CTNNA2: variants seen among roughly 807,000 people sequenced by gnomAD.
CTNNA2 encodes catenin alpha-2.
Under a neutral mutation model 101.0 loss-of-function variants are expected in CTNNA2, and 42 were observed. That is an observed-to-expected ratio of 0.42 (90% CI 0.32 to 0.54). The LOEUF (loss-of-function observed/expected upper bound fraction) is 0.54, where lower values mean the gene tolerates loss of function less well. Ranked by LOEUF, CTNNA2 falls within the 20% of genes least tolerant of loss-of-function variation. The pLI is 0.14. For synonymous variants in CTNNA2, 450 were observed against 456.4 expected (o/e 0.99, Z 0.18); for missense variants, 871 against 1,223.1 (o/e 0.71, Z 4.29).
chr2:79,234,348 T>C (rs1232700588), intron 2 of CTNNA2, among the ~76,000 whole-genome samples: 1 of 152,176 alleles, frequency 6.6e-6, no homozygotes, highest in Non-Finnish European at 1.5e-5. Context: ...TCTTTAAGAA[T>C]GCTGTAAAGA....
At chr2:80,025,188 C>T (rs946843394) in intron 7 of CTNNA2, among the ~76,000 whole-genome samples, 2 of 152,114 alleles carry the variant, frequency 1.3e-5, no homozygotes, top group African/African-American at 2.4e-5. Flanking sequence ...GGGTGGGTAG[C>T]GGGATGGGCC....
rs78526121 is a variant in CTNNA2, at chr2:79,831,404, C to T, written c.299-26609C>T. On this transcript the variant is annotated intron_variant, in intron 3 of 18. Coordinates refer to ENST00000402739, the MANE Select transcript of CTNNA2 (RefSeq NM_001282597.3). ...ATTTACAATATTTTCACTCTAAAGC[C>T]TTGCGTGATTCAGCCCCTTAACTAT... Among the ~76,000 whole-genome samples the T allele has an allele frequency of 4.4e-3, 665 of 152,148 alleles. 12 individuals are homozygous for T. Among genetic ancestry groups the T allele is most frequent in the East Asian group, 0.039 (202 of 5,180 alleles).
chr2:80,251,316 T>C (rs1156275680), intron 7 of CTNNA2, among the ~76,000 whole-genome samples: 1 of 152,162 alleles, frequency 6.6e-6, no homozygotes, highest in African/African-American at 2.4e-5. Context: ...AAAGCAATAA[T>C]CAAATTGGTA....
chr2:79,298,066 A>G (rs1270417778), intron 2 of CTNNA2, among the ~76,000 whole-genome samples: 3 of 152,198 alleles, frequency 2.0e-5, no homozygotes, highest in Admixed American at 1.3e-4. Context: ...TTGCATTGCT[A>G]TAAAGGAAAT....
At chr2:80,235,426 A>G (rs565312990) in intron 7 of CTNNA2, among the ~76,000 whole-genome samples, 19 of 152,316 alleles carry the variant, frequency 1.2e-4, no homozygotes, top group African/African-American at 4.3e-4. Context: ...ATAACAGTAG[A>G]TGCCAGTCAA....
chr2:79,282,519 G>A (rs1238244086), intron 2 of CTNNA2, among the ~76,000 whole-genome samples: 15 of 150,270 alleles, frequency 1.0e-4, no homozygotes, highest in Non-Finnish European at 2.1e-4. Flanking sequence ...CTGGTTTTTT[G>A]TTCTTGCGAT....
At chr2:79,671,861 T>G (rs553216951) in intron 2 of CTNNA2, among the ~76,000 whole-genome samples, 25 of 152,302 alleles carry the variant, frequency 1.6e-4, no homozygotes, top group Admixed American at 1.2e-3. Context: ...GTGTCATAGG[T>G]GATTCTATCA....
chr2:79,305,285 CGT>C (rs1006278230), intron 2 of CTNNA2, among the ~76,000 whole-genome samples: 49 of 148,678 alleles, frequency 3.3e-4, no homozygotes, highest in African/African-American at 9.6e-4. Context: ...TATGTAGATA[CGT>C]GTGTGTGTAT....
chr2:80,066,374 CA>C lies in CTNNA2; in HGVS notation c.1056+156588del, dbSNP rs541391280. Among the ~76,000 whole-genome samples, 1,015 of 143,534 alleles carry C rather than the reference CA, an allele frequency of 7.1e-3. 8 individuals are homozygous for C. The highest frequency in any genetic ancestry group is 0.011 in the East Asian group (55 of 4,974). The allele number at this position is 143,534 out of a possible 152,430, so 94.2% of individuals were successfully genotyped here. A position where few individuals can be genotyped will look rare whatever the true frequency, so the allele number is the denominator to read the frequency against. On this transcript the variant is annotated intron_variant, in intron 7 of 18. Transcript: ENST00000402739. ...AATATAAAAGAAATTCAAACAATAG[CA>C]AAAAAAAAAATCAATAGCACAAAAA...
chr2:79,759,332 G>A (rs561370794), intron 3 of CTNNA2, among the ~76,000 whole-genome samples: 63 of 152,254 alleles, frequency 4.1e-4, no homozygotes, highest in African/African-American at 1.4e-3. Context: ...GGCGGAGGTT[G>A]CAGTGAACCA....
chr2:80,172,086 C>T (rs11893350), intron 7 of CTNNA2, among the ~76,000 whole-genome samples: 27,060 of 152,048 alleles, frequency 0.18, 3,150 homozygotes, highest in African/African-American at 0.32. Context: ...CCACAAAGAT[C>T]ATGACAGGGA....
intron 11 of CTNNA2, among the ~76,000 whole-genome samples, chr2:80,547,690 CTTTTT>C (rs61186189): frequency 2.4e-5 from 3 of 124,312 alleles, no homozygotes; most frequent in South Asian, 5.0e-4. Flanking sequence ...GTCACTTCTG[CTTTTT>C]TTTTTTTTTT....
chr2:80,123,881 G>T (rs999273512), intron 7 of CTNNA2, among the ~76,000 whole-genome samples: 8 of 152,132 alleles, frequency 5.3e-5, no homozygotes, highest in East Asian at 1.9e-4. Context: ...GTTTAGTAAA[G>T]AAATTGTCTG....
intron 6 of CTNNA2, among the ~76,000 whole-genome samples, chr2:79,908,408 T>C (rs2104316079): frequency 6.6e-6 from 1 of 152,278 alleles, no homozygotes; most frequent in East Asian, 1.9e-4. Context: ...ATTTGCCCCA[T>C]CATTGCCACT....
At chr2:79,775,980 A>G (rs923656922) in intron 3 of CTNNA2, among the ~76,000 whole-genome samples, 3 of 152,188 alleles carry the variant, frequency 2.0e-5, no homozygotes, top group Non-Finnish European at 4.4e-5. Context: ...AATTCATCTA[A>G]CTTCATACCC....
intron 9 of CTNNA2, among the ~76,000 whole-genome samples, chr2:80,518,982 A>AT (rs35560864): frequency 0.01 from 1,581 of 151,614 alleles, 32 homozygotes; most frequent in African/African-American, 0.036. Context: ...CATAAATGGG[A>AT]TTTTTTTTTG....
chr2:79,457,697 A>T (rs1670840470), intron 4 of CTNNA2, among the ~76,000 whole-genome samples: 1 of 152,104 alleles, frequency 6.6e-6, no homozygotes, highest in Non-Finnish European at 1.5e-5. Context: ...CTAAGGAGGG[A>T]AAAAAAGAGA....
At chr2:80,570,479 G>A (rs1438906479) in intron 12 of CTNNA2, among the ~76,000 whole-genome samples, 2 of 152,194 alleles carry the variant, frequency 1.3e-5, no homozygotes, top group African/African-American at 4.8e-5. Flanking sequence ...ACTGTGCTTA[G>A]GATTGGTCTC....
chr2:80,410,948 A>G (rs553308731), intron 8 of CTNNA2, among the ~76,000 whole-genome samples: 1 of 152,184 alleles, frequency 6.6e-6, no homozygotes, highest in African/African-American at 2.4e-5. Context: ...TTAGAATGCT[A>G]GATTGTCACA....
Sources: gnomAD v4.1 joint callset for allele counts (sites outside exome capture counted in the v4.1 genomes callset) on GRCh38, gnomAD v4.1.1 for gene constraint, MANE v1.5 for transcripts, NCBI Gene and HGNC (gene_info 2026-07-23, HGNC 2026-07-21) for gene names.